Variants in TTN observed in about 807,000 individuals in gnomAD.
The protein encoded by TTN is connectin.
Under a neutral mutation model 3,223.0 loss-of-function variants are expected in TTN, and 1,525 were observed. That is an observed-to-expected ratio of 0.47 (90% CI 0.45 to 0.49). The LOEUF (loss-of-function observed/expected upper bound fraction) is 0.49, where lower values mean the gene tolerates loss of function less well. Ranked by LOEUF, TTN falls within the 20% of genes least tolerant of loss-of-function variation. The pLI is 0.00. For missense variants in TTN, 40,786 were observed against 43,424.0 expected (o/e 0.94, Z 5.40); for synonymous variants, 14,094 against 15,161.0 (o/e 0.93, Z 5.17).
In TTN at chr2:178,553,103, T is replaced by G. The variant is rs767264453; in HGVS notation, c.89797A>C (p.Thr29933Pro). The change falls in exon 335 of 363, where the codon ACA (threonine) becomes CCA (proline). Residue 29933 changes from threonine (T) to proline (P), a missense_variant. Coordinates refer to ENST00000589042, the MANE Select transcript of TTN (RefSeq NM_001267550.2). The stretch of plus-strand genomic sequence containing the variant: ...TGTAGTTTCTGGCAGGCAGCTGGTG[T>G]GTCAAGCACTTTAACACTCACAGTT... ...SSTVSVKVLD[T>P]PAACQKLQVK... 1 of 1,611,112 alleles carries G rather than the reference T, an allele frequency of 6.2e-7. No homozygotes were observed. Among genetic ancestry groups the G allele is most frequent in the Non-Finnish European group, 8.5e-7 (1 of 1,177,716 alleles).
rs763845436 is a variant in TTN at position 178,652,529 on chromosome 2, G to A, written c.39056C>T (p.Pro13019Leu). 3.0e-5 allele frequency: 48 copies of A among 1,613,396 alleles called. No individual in the cohort carries two copies. The Admixed American group carries it at 6.8e-4, about 23-fold the overall frequency. The change falls in exon 202 of 363, where the codon CCG (proline) becomes CTG (leucine). Residue 13019 changes from proline (P) to leucine (L), a missense_variant. Physicochemically the swap from Pro to Leu is moderately conservative, Grantham distance 98. Coordinates refer to ENST00000589042, the MANE Select transcript of TTN (RefSeq NM_001267550.2). ...TTTCTTTTCAGGAACAACTTCTTTC[G>A]GAGCCTCTGGCACTTAAAAGATATT... ...EVPPVKVPEAPKEVVPEKKVP... is the reference protein window; with the variant it reads ...EVPPVKVPEALKEVVPEKKVP...
chr2:178,606,949 A>T, intron 278 of TTN, 72 bp downstream of exon 278: 1 of 1,534,188 alleles, frequency 6.5e-7, no homozygotes, highest in Non-Finnish European at 8.7e-7. Context: ...GTTTGAAGCC[A>T]TAAAGCTCAG....
At position 178,561,033 on chromosome 2, in the gene TTN, T is replaced by C; in HGVS notation, c.85099A>G (p.Ile28367Val). 6.2e-7 allele frequency: 1 copy of C among 1,613,880 alleles called. No homozygotes were observed. Among genetic ancestry groups the C allele is most frequent in the South Asian group, 1.1e-5 (1 of 91,086 alleles). Residue 28367 changes from isoleucine to valine, a missense_variant, in exon 326 of 363, where the codon ATT (isoleucine) becomes GTT (valine). Physicochemically the swap from Ile to Val is conservative, Grantham distance 29. Coordinates refer to ENST00000589042, the MANE Select transcript of TTN (RefSeq NM_001267550.2). Reference protein sequence around the residue: ...VMMDVKFRDVIVVKAGEVLKI... With the variant: ...VMMDVKFRDVVVVKAGEVLKI... Reference sequence around the variant, plus strand: ...AGGACCTCTCCAGCTTTGACAACAATAACGTCTCGGAACTTGACATCCATC... The same window carrying C: ...AGGACCTCTCCAGCTTTGACAACAACAACGTCTCGGAACTTGACATCCATC...
In TTN at chr2:178,565,145, G is replaced by T; in HGVS notation, c.80987C>A (p.Pro26996His). 1 of 1,613,336 alleles carries T rather than the reference G, an allele frequency of 6.2e-7. No individual in the cohort carries two copies. The highest frequency in any genetic ancestry group is 8.5e-7 in the Non-Finnish European group (1 of 1,179,568). ...SADFVVISWE[P>H]PAYTGGCQIS... ...TTGGCAGCCACCAGTATAGGCTGGA[G>T]GTTCCCAAGATATGACTACAAAGTC... Residue 26996 changes from proline (P) to histidine (H), a missense_variant, in exon 326 of 363, where the codon CCT (proline) becomes CAT (histidine). Coordinates refer to ENST00000589042, the MANE Select transcript of TTN (RefSeq NM_001267550.2).
rs368969893 is a variant in TTN at position 178,589,178 on chromosome 2, C to T, written c.62547G>A (p.Thr20849=). 236 of 1,613,350 alleles carry T rather than the reference C, an allele frequency of 1.5e-4. No homozygotes were observed. Among genetic ancestry groups the T allele is most frequent in the Non-Finnish European group, 1.8e-4 (218 of 1,179,640 alleles). The change falls in exon 304 of 363, where the codon ACG becomes ACA. Residue 20849 remains threonine (T), a synonymous_variant. Coordinates refer to ENST00000589042, the MANE Select transcript of TTN (RefSeq NM_001267550.2). ...GGKYVVTATN[T]AGSFVAYATV... is the part of the protein sequence containing the mutation. ...TGGCATAGGCCACAAAACTGCCAGC[C>T]GTGTTAGTTGCCGTAACTACATATT...
chr2:178,579,208 G>A lies in TTN; in HGVS notation c.67822C>T (p.Leu22608Phe), dbSNP rs749645303. 1 of 1,613,476 alleles carries A rather than the reference G, an allele frequency of 6.2e-7. No individual in the cohort carries two copies. ...GATTTTTGGCAATCGTACACTATAA[G>A]AGTTGTGTTAACCGCAGATGACTCA... is the stretch of plus-strand genomic sequence containing the variant. ...SVESSAVNTT[L>F]IVYDCQKSDA... The change falls in exon 320 of 363, where the codon CTT (leucine) becomes TTT (phenylalanine). Residue 22608 changes from leucine to phenylalanine, a missense_variant. Transcript: ENST00000589042.
Position 178,584,533 on chromosome 2 carries a change from T to A in TTN, c.65018A>T (p.Lys21673Met). 6.2e-7 allele frequency: 1 copy of A among 1,612,986 alleles called. No individual in the cohort carries two copies. Among genetic ancestry groups the A allele is most frequent in the Non-Finnish European group, 8.5e-7 (1 of 1,179,356 alleles). Residue 21673 changes from lysine (K) to methionine (M), a missense_variant, in exon 311 of 363, where the codon AAG becomes ATG. Coordinates refer to ENST00000589042, the MANE Select transcript of TTN (RefSeq NM_001267550.2). ...PKNARVTKVN[K>M]DCIFVAWDRP... Reference sequence around the variant, plus strand: ...GTCCCAAGCAACAAAAATACAGTCCTTGTTGACTTTGGTGACTCGTGCATT... The same window carrying A: ...GTCCCAAGCAACAAAAATACAGTCCATGTTGACTTTGGTGACTCGTGCATT...
intron 107 of TTN, 71 bp from the exon 108 acceptor site, chr2:178,702,316 G>C (rs878903555): frequency 6.2e-7 from 1 of 1,603,538 alleles, no homozygotes; most frequent in Non-Finnish European, 8.5e-7. Context: ...TTCAATATAC[G>C]TATGTGTTTA....
chr2:178,597,407 T>C (rs2051999781), intron 294 of TTN, 131 bp downstream of exon 294: 3 of 1,088,548 alleles, frequency 2.8e-6, no homozygotes, highest in East Asian at 2.6e-5. Context: ...ATTCTAATAA[T>C]GTTCAACATG....
chr2:178,537,161 T>C lies in TTN; in HGVS notation c.99948A>G (p.Ala33316=), dbSNP rs367765364. 1 of 1,613,598 alleles carries C rather than the reference T, an allele frequency of 6.2e-7. No homozygotes were observed. Among genetic ancestry groups the C allele is most frequent in the Non-Finnish European group, 8.5e-7 (1 of 1,179,752 alleles). ...NSAVISWKPP[A]DDGGSWITNY... is the part of the protein sequence containing the mutation. ...TGGTGATCCAGGAGCCTCCGTCATC[T>C]GCGGGTGGTTTCCAGCTGATCACTG... Residue 33316 remains alanine, a synonymous_variant, in exon 356 of 363, where the codon GCA becomes GCG. Coordinates refer to ENST00000589042, the MANE Select transcript of TTN (RefSeq NM_001267550.2).
intron 7 of TTN, 75 bp from the exon 8 acceptor site, chr2:178,794,626 A>C: frequency 1.3e-6 from 2 of 1,594,336 alleles, no homozygotes; most frequent in Non-Finnish European, 1.7e-6. Context: ...CATACTGGAA[A>C]ACTGAGCCAC....
At position 178,566,483 on chromosome 2, in the gene TTN, A is replaced by G; in HGVS notation, c.79649T>C (p.Ile26550Thr). ...CTCTTGGTGTTCAGTGAGTTTTGAA[A>G]TTTCAAATCGAGTGACTCTCAGGCC... Reference protein sequence around the residue: ...QTGLRVTRFEISKLTEHQEYK... With the variant: ...QTGLRVTRFETSKLTEHQEYK... Residue 26550 changes from isoleucine (I) to threonine (T), a missense_variant, in exon 326 of 363, where the codon ATT becomes ACT. Transcript: ENST00000589042. 6.2e-7 allele frequency: 1 copy of G among 1,613,498 alleles called. No homozygotes were observed. The highest frequency in any genetic ancestry group is 8.5e-7 in the Non-Finnish European group (1 of 1,179,692).
chr2:178,707,145 A>G (rs1457446847), intron 100 of TTN, among the ~76,000 whole-genome samples, 191 bp from the exon 101 acceptor site: 1 of 152,206 alleles, frequency 6.6e-6, no homozygotes, highest in Non-Finnish European at 1.5e-5. Flanking sequence ...TAGCTATCAA[A>G]GGTTGAACTA....
chr2:178,591,951 G>A, intron 302 of TTN, 27 bp downstream of exon 302: 1 of 1,607,240 alleles, frequency 6.2e-7, no homozygotes, highest in Non-Finnish European at 8.5e-7. Flanking sequence ...TCAAACAATA[G>A]TTTTGTATTC....
chr2:178,535,858 GAAAAA>G lies in TTN; in HGVS notation c.100766-14_100766-10del. On this transcript the variant is annotated splice_polypyrimidine_tract_variant and intron_variant, in intron 357 of 362. Coordinates refer to ENST00000589042, the MANE Select transcript of TTN (RefSeq NM_001267550.2). ...GTGTATCTTAGCTGGAACTGTATCA[GAAAAA>G]AAAAAAAAAAGAATATAATTTAGCA... The G allele has an allele frequency of 2.4e-6, 3 of 1,235,560 alleles. No individual in the cohort carries two copies. Among genetic ancestry groups the G allele is most frequent in the South Asian group, 1.7e-5 (1 of 58,960 alleles). The allele number at this position is 1,235,560 out of a possible 1,614,324, so 76.5% of individuals were successfully genotyped here.
chr2:178,650,390 CTT>C, intron 209 of TTN, 119 bp from the exon 210 acceptor site: 1 of 998,886 alleles, frequency 1.0e-6, no homozygotes, highest in Non-Finnish European at 1.4e-6. Context: ...GATACCTTCT[CTT>C]ATTTTTGTTT....
chr2:178,715,803 T>G (rs1230991794), intron 88 of TTN, 29 bp from the exon 89 acceptor site: 6 of 1,552,626 alleles, frequency 3.9e-6, no homozygotes, highest in South Asian at 3.6e-5. Flanking sequence ...AAACACAGGG[T>G]AAGGGATGGA....
chr2:178,598,742 G>A lies in TTN; in HGVS notation c.56962+6C>T. ...TTTAAAAAAAAGGAATGGTTTCCAG[G>A]CTTACCAATTGGATCTCTAGCAGTC... is the stretch of plus-strand genomic sequence containing the variant. On this transcript the variant is annotated splice_donor_region_variant and intron_variant, in intron 291 of 362. Transcript: ENST00000589042. The A allele has an allele frequency of 1.9e-6, 3 of 1,610,746 alleles. No individual in the cohort carries two copies. The highest frequency in any genetic ancestry group is 2.2e-5 in the South Asian group (2 of 90,390).
rs2154136682 is a variant in TTN, at chr2:178,535,460, T to A, written c.101155A>T (p.Ser33719Cys). ...TCAACAATGTAGTTGGTGATTTTGC[T>A]GCCACCATCAGAGGCTGGCTCAGTC... The part of the protein sequence containing the change: ...TWTEPASDGG[S>C]KITNYIVEKC... Residue 33719 changes from serine (S) to cysteine (C), a missense_variant, in exon 358 of 363, where the codon AGC (serine) becomes TGC (cysteine). Ser to Cys is a moderately radical substitution (Grantham distance 112). Coordinates refer to ENST00000589042, the MANE Select transcript of TTN (RefSeq NM_001267550.2). 1 of 1,613,950 alleles carries A rather than the reference T, an allele frequency of 6.2e-7. No individual in the cohort carries two copies. Among genetic ancestry groups the A allele is most frequent in the Non-Finnish European group, 8.5e-7 (1 of 1,179,846 alleles).
Sources: allele counts gnomAD v4.1 joint callset (sites outside exome capture counted in the v4.1 genomes callset), GRCh38; gene constraint gnomAD v4.1.1; transcripts MANE v1.5; gene names NCBI Gene and HGNC (gene_info 2026-07-23, HGNC 2026-07-21).